STX8: variants seen among roughly 807,000 people sequenced by gnomAD.
STX8 encodes the protein syntaxin-8.
A neutral mutation model predicts 37.5 loss-of-function variants in STX8; 23 were observed. The ratio of observed to expected loss-of-function variants is 0.61; its 90% CI spans 0.44 to 0.87. The LOEUF is 0.87. Among genes scored for constraint, STX8 ranks in the 40% least tolerant of loss-of-function variants. The pLI is 0.00. For synonymous variants in STX8, 115 were observed against 99.1 expected (o/e 1.16, Z -0.95); for missense variants, 313 against 284.7 (o/e 1.10, Z -0.71).
chr17:9,562,499 C>T (rs754961440), intron 2 of STX8, among the ~76,000 whole-genome samples: 2 of 151,308 alleles, frequency 1.3e-5, no homozygotes, highest in Non-Finnish European at 2.9e-5. Flanking sequence ...CAATTTATCA[C>T]GAGGAGCTAA....
intron 7 of STX8, among the ~76,000 whole-genome samples, chr17:9,329,245 G>A (rs1396105690): frequency 6.6e-6 from 1 of 152,018 alleles, no homozygotes; most frequent in East Asian, 1.9e-4. Flanking sequence ...CCAAACATCT[G>A]CATTGAGGAT....
intron 4 of STX8, 117 bp downstream of exon 4, chr17:9,545,055 T>G (rs537974437): frequency 3.0e-6 from 2 of 664,834 alleles, no homozygotes; most frequent in South Asian, 1.9e-5. Context: ...TCAAACACCA[T>G]AAATGAATAG....
intron 6 of STX8, among the ~76,000 whole-genome samples, chr17:9,382,986 G>A (rs1407844434): frequency 4.6e-5 from 7 of 152,146 alleles, no homozygotes; most frequent in African/African-American, 9.7e-5. Flanking sequence ...AGTAAAGCCC[G>A]TATGAATGAA....
At chr17:9,493,002 G>A (rs1246106362) in intron 5 of STX8, among the ~76,000 whole-genome samples, 1 of 152,056 alleles carries the variant, frequency 6.6e-6, no homozygotes, top group African/African-American at 2.4e-5. Context: ...GGAGGCTGAG[G>A]CAGGAGAATG....
At chr17:9,439,440 T>G (rs1342048747) in intron 6 of STX8, among the ~76,000 whole-genome samples, 2 of 152,164 alleles carry the variant, frequency 1.3e-5, no homozygotes, top group Non-Finnish European at 2.9e-5. Context: ...TTGATATCAG[T>G]TTGCAAAATT....
At chr17:9,269,623 C>T (rs184913602) in intron 7 of STX8, among the ~76,000 whole-genome samples, 150 of 152,372 alleles carry the variant, frequency 9.8e-4, no homozygotes, top group Non-Finnish European at 4.7e-4. Flanking sequence ...TCAGATTTGG[C>T]TTTGCAATAT....
chr17:9,446,722 T>C (rs756251471), intron 6 of STX8, among the ~76,000 whole-genome samples: 2 of 152,348 alleles, frequency 1.3e-5, no homozygotes, highest in Middle Eastern at 3.4e-3. Flanking sequence ...AGGTTTGAGA[T>C]AGCACTTCCT....
intron 6 of STX8, among the ~76,000 whole-genome samples, chr17:9,460,661 G>C (rs1368662935): frequency 8.1e-6 from 1 of 123,348 alleles, no homozygotes; most frequent in Non-Finnish European, 1.6e-5. Context: ...AGACAAGAGT[G>C]AGACTCTGTC....
intron 2 of STX8, among the ~76,000 whole-genome samples, chr17:9,559,758 A>ATT (rs1159388418): frequency 0.025 from 703 of 28,122 alleles, 18 homozygotes; most frequent in Middle Eastern, 0.071. Context: ...ATATATATAT[A>ATT]TATTTTTTTT....
intron 6 of STX8, among the ~76,000 whole-genome samples, chr17:9,439,363 C>G (rs1158792536): frequency 6.6e-6 from 1 of 152,114 alleles, no homozygotes; most frequent in Non-Finnish European, 1.5e-5. Flanking sequence ...AGACCAATGC[C>G]TAACAAAACA....
chr17:9,493,983 CAT>C (rs985628891), intron 5 of STX8, among the ~76,000 whole-genome samples: 7 of 91,374 alleles, frequency 7.7e-5, no homozygotes, highest in African/African-American at 2.6e-4. Flanking sequence ...GAAAGAAGTT[CAT>C]ATGTTTTGTT....
intron 7 of STX8, among the ~76,000 whole-genome samples, chr17:9,363,900 T>A (rs1911143047): frequency 6.6e-6 from 1 of 152,180 alleles, no homozygotes; most frequent in South Asian, 2.1e-4. Context: ...CCACCTTCTA[T>A]TATAAATAAA....
At chr17:9,343,011 A>G (rs965301396) in intron 7 of STX8, among the ~76,000 whole-genome samples, 52 of 111,478 alleles carry the variant, frequency 4.7e-4, no homozygotes, top group Non-Finnish European at 8.8e-4. Flanking sequence ...CAAGAGTGAA[A>G]CTGTCTCAAA....
rs555082226 is a variant in STX8, at chr17:9,421,159, G to A, written c.542-42506C>T. On this transcript the variant is annotated intron_variant, in intron 6 of 7. Transcript: ENST00000306357. Reference sequence around the variant, plus strand: ...TGTAATCCCAGCACTTTGGGAGGCCGAGGCGGGCGGATCACCTGAGGTCGG... The same window carrying A: ...TGTAATCCCAGCACTTTGGGAGGCCAAGGCGGGCGGATCACCTGAGGTCGG... Among the ~76,000 whole-genome samples the A allele has an allele frequency of 7.9e-5, 12 of 152,070 alleles. No individual in the cohort carries two copies. The South Asian group carries it at 8.3e-4, about 11-fold the overall frequency.
At chr17:9,295,767 G>A (rs1908499893) in intron 7 of STX8, among the ~76,000 whole-genome samples, 2 of 151,342 alleles carry the variant, frequency 1.3e-5, no homozygotes, top group East Asian at 3.9e-4. Flanking sequence ...AAAGGAGGCT[G>A]GGTGCAGTGG....
chr17:9,428,452 G>A (rs1247809081), intron 6 of STX8, among the ~76,000 whole-genome samples: 7 of 152,272 alleles, frequency 4.6e-5, no homozygotes, highest in East Asian at 3.9e-4. Context: ...GTGTTAGCCA[G>A]GATGGTCTTG....
chr17:9,509,143 G>A (rs1459887898), intron 4 of STX8, among the ~76,000 whole-genome samples: 1 of 152,186 alleles, frequency 6.6e-6, no homozygotes, highest in African/African-American at 2.4e-5. Context: ...CAGCTACTCA[G>A]GAGGCAGAGG....
At chr17:9,291,105 C>T (rs180788913) in intron 7 of STX8, among the ~76,000 whole-genome samples, 3 of 152,282 alleles carry the variant, frequency 2.0e-5, no homozygotes, top group African/African-American at 7.2e-5. Context: ...TTATATGCTT[C>T]AATTACTGAG....
intron 7 of STX8, among the ~76,000 whole-genome samples, chr17:9,254,365 C>T (rs1328634801): frequency 2.6e-5 from 4 of 152,124 alleles, no homozygotes. Flanking sequence ...TTACCTGTGC[C>T]CTCTTTGCCC....
Sources: allele counts gnomAD v4.1 joint callset (sites outside exome capture counted in the v4.1 genomes callset), GRCh38; gene constraint gnomAD v4.1.1; transcripts MANE v1.5; gene names NCBI Gene and HGNC (gene_info 2026-07-23, HGNC 2026-07-21).